Variants in AKAP7 observed in about 807,000 individuals in gnomAD.
The protein encoded by AKAP7 is A kinase (PRKA) anchor protein 7.
In AKAP7, 39 loss-of-function variants were observed where a neutral mutation model predicts 39.5. That is an observed-to-expected ratio of 0.99 (90% confidence interval 0.76 to 1.29). The LOEUF (loss-of-function observed/expected upper bound fraction) is 1.29. AKAP7 is among the 50% of genes most tolerant of loss of function. AKAP7 has a pLI of 0.00. For missense variants in AKAP7, 414 were observed against 407.7 expected (o/e 1.02, Z -0.13); for synonymous variants, 140 against 139.1 (o/e 1.01, Z -0.05).
intron 7 of AKAP7, among the ~76,000 whole-genome samples, chr6:131,262,559 A>T (rs549548714): frequency 2.0e-5 from 3 of 152,316 alleles, no homozygotes; most frequent in East Asian, 1.9e-4. Flanking sequence ...ATAAAATTCC[A>T]TAATTTTTTA....
At chr6:131,185,020 G>A in intron 5 of AKAP7, 1 of 754,224 alleles carries the variant, frequency 1.3e-6, no homozygotes, top group East Asian at 2.5e-5. Flanking sequence ...TCTGGTTCTA[G>A]GATCCGCTTT....
chr6:131,172,287 G>A (rs1426196089), intron 5 of AKAP7, among the ~76,000 whole-genome samples: 1 of 152,146 alleles, frequency 6.6e-6, no homozygotes, highest in African/African-American at 2.4e-5. Context: ...GGATATGCAA[G>A]ACTTCTATGG....
chr6:131,129,995 G>C, the AKAP7 span, among the ~76,000 whole-genome samples: 2 of 152,164 alleles, frequency 1.3e-5, no homozygotes, highest in Non-Finnish European at 2.9e-5. Flanking sequence ...AGAAATGAGG[G>C]ACCTGAAGAG....
rs531582478 is a variant in AKAP7 at position 131,207,491 on chromosome 6, A to ATT, written c.702+7943_702+7944dup. On this transcript the variant is annotated intron_variant, in intron 6 of 7. Coordinates refer to ENST00000431975, the MANE Select transcript of AKAP7 (RefSeq NM_016377.4). ...TGCACACCATGCCTGGCTAATTAAA[A>ATT]TTTTTTTTTTTTTTTTTTTTTTTTT... 3.1e-3 allele frequency among the ~76,000 whole-genome samples: 245 copies of ATT among 78,788 alleles called. 16 individuals are homozygous for ATT. Among genetic ancestry groups the ATT allele is most frequent in the African/African-American group, 0.01 (203 of 20,142 alleles). The allele number at this position is 78,788 out of a possible 152,430, so 51.7% of individuals were successfully genotyped here. A position where few individuals can be genotyped will look rare whatever the true frequency, so the allele number is the denominator to read the frequency against.
intron 7 of AKAP7, among the ~76,000 whole-genome samples, chr6:131,222,793 C>T (rs1809820701): frequency 6.6e-6 from 1 of 152,180 alleles, no homozygotes; most frequent in Non-Finnish European, 1.5e-5. Flanking sequence ...AGAGAATCAG[C>T]TCCAATTTTG....
chr6:131,250,561 C>G, intron 7 of AKAP7: 1 of 1,614,004 alleles, frequency 6.2e-7, no homozygotes, highest in Non-Finnish European at 8.5e-7. Flanking sequence ...CAGACAGGAC[C>G]AGTGCCATGG....
chr6:131,237,476 G>T (rs1212627180), intron 7 of AKAP7, among the ~76,000 whole-genome samples: 2 of 152,172 alleles, frequency 1.3e-5, no homozygotes, highest in East Asian at 3.8e-4. Flanking sequence ...ATTTCAGAAG[G>T]AATGGTACCA....
intron 7 of AKAP7, among the ~76,000 whole-genome samples, chr6:131,270,827 T>C (rs1027914184): frequency 1.3e-5 from 2 of 152,192 alleles, no homozygotes; most frequent in Non-Finnish European, 2.9e-5. Flanking sequence ...TAACTAAAAA[T>C]GTTGAATGTC....
chr6:131,153,545 G>T lies in AKAP7; in HGVS notation c.152-6514G>T, dbSNP rs563448722. Among the ~76,000 whole-genome samples, 22 of 148,490 alleles carry T rather than the reference G, an allele frequency of 1.5e-4. 1 individual carries two copies. The East Asian group carries it at 3.6e-3, about 24-fold the overall frequency. On this transcript the variant is annotated intron_variant, in intron 2 of 7. Transcript: ENST00000431975. ...TTGAGAGATTATGATTTTTTTTTTT[G>T]CAAAATGGATTTATAGGATGTTTGA...
At chr6:131,151,048 T>G (rs1042214362) in intron 2 of AKAP7, among the ~76,000 whole-genome samples, 3 of 152,130 alleles carry the variant, frequency 2.0e-5, no homozygotes, top group Admixed American at 1.3e-4. Flanking sequence ...TTAGAATTTT[T>G]TTTTTGTTTT....
intron 7 of AKAP7, among the ~76,000 whole-genome samples, chr6:131,221,953 A>G (rs1809736178): frequency 6.6e-6 from 1 of 152,214 alleles, no homozygotes; most frequent in Non-Finnish European, 1.5e-5. Context: ...TCAAGGAGTA[A>G]TTTAGACTTT....
At chr6:131,222,844 C>T (rs967850017) in intron 7 of AKAP7, among the ~76,000 whole-genome samples, 1 of 152,180 alleles carries the variant, frequency 6.6e-6, no homozygotes, top group African/African-American at 2.4e-5. Context: ...AAACAGCATT[C>T]CATGCTACAG....
intron 5 of AKAP7, among the ~76,000 whole-genome samples, chr6:131,178,919 C>T (rs1258621331): frequency 1.3e-5 from 2 of 151,942 alleles, no homozygotes; most frequent in Non-Finnish European, 2.9e-5. Context: ...GCCCACTGTG[C>T]CCCACTTGAA....
intron 7 of AKAP7, among the ~76,000 whole-genome samples, chr6:131,224,112 G>A (rs531137438): frequency 1.3e-5 from 2 of 152,110 alleles, no homozygotes; most frequent in East Asian, 1.9e-4. Context: ...AAATGCTTTC[G>A]TGGGTCACAT....
At chr6:131,160,759 A>G (rs1802865379) in intron 3 of AKAP7, among the ~76,000 whole-genome samples, 1 of 152,232 alleles carries the variant, frequency 6.6e-6, no homozygotes, top group Admixed American at 6.5e-5. Context: ...AAAATTACTC[A>G]GTATTGTAAC....
chr6:131,249,487 C>T (rs1266645963), intron 7 of AKAP7, among the ~76,000 whole-genome samples: 2 of 152,054 alleles, frequency 1.3e-5, no homozygotes, highest in East Asian at 1.9e-4. Context: ...TCATCCTGTT[C>T]CCTCTCCTTC....
At chr6:131,268,072 G>A (rs1355667285) in intron 7 of AKAP7, among the ~76,000 whole-genome samples, 4 of 152,098 alleles carry the variant, frequency 2.6e-5, no homozygotes, top group Non-Finnish European at 4.4e-5. Flanking sequence ...AGGGATGGAG[G>A]AAGTAATTGT....
intron 7 of AKAP7, among the ~76,000 whole-genome samples, chr6:131,228,735 G>A (rs188519340): frequency 1.3e-4 from 19 of 151,972 alleles, no homozygotes; most frequent in African/African-American, 4.6e-4. Flanking sequence ...ACTTTTAGGG[G>A]GTCAGCGAGG....
At chr6:131,184,693 G>T in intron 5 of AKAP7, 2 of 791,526 alleles carry the variant, frequency 2.5e-6, no homozygotes, top group South Asian at 2.7e-5. Flanking sequence ...GTAGTTGTTG[G>T]GCAAGGCAAA....
Sources: allele counts gnomAD v4.1 joint callset (sites outside exome capture counted in the v4.1 genomes callset), GRCh38; gene constraint gnomAD v4.1.1; transcripts MANE v1.5; gene names NCBI Gene and HGNC (gene_info 2026-07-23, HGNC 2026-07-21).